Variants in LYZL6 observed in about 807,000 individuals in gnomAD.
LYZL6 encodes lysozyme like 6.
A neutral mutation model predicts 15.0 loss-of-function variants in LYZL6; 21 were observed. The observed-to-expected ratio is 1.40, with a 90% CI of 1.00 to 2.02. The LOEUF (loss-of-function observed/expected upper bound fraction) is 2.02. Among genes scored for constraint, LYZL6 ranks in the 30% most tolerant of loss-of-function variants. The pLI is 0.00. For synonymous variants in LYZL6, 72 were observed against 67.8 expected (o/e 1.06, Z -0.31); for missense variants, 173 against 180.5 (o/e 0.96, Z 0.24).
chr17:35,942,850 C>A (rs192876421), intron 1 of LYZL6, among the ~76,000 whole-genome samples: 60 of 152,260 alleles, frequency 3.9e-4, no homozygotes, highest in Middle Eastern at 3.4e-3. Flanking sequence ...GGTATGCCTA[C>A]AGCTGCAAGA....
intron 3 of LYZL6, among the ~76,000 whole-genome samples, chr17:35,937,536 T>C (rs1163027626): frequency 6.6e-6 from 1 of 152,236 alleles, no homozygotes; most frequent in Non-Finnish European, 1.5e-5. Flanking sequence ...TACTACCAGC[T>C]GTATACGGAG....
intron 1 of LYZL6, among the ~76,000 whole-genome samples, chr17:35,940,786 G>A (rs745396727): frequency 6.6e-6 from 1 of 152,128 alleles, no homozygotes; most frequent in Non-Finnish European, 1.5e-5. Flanking sequence ...TTTGTATCTG[G>A]CTTCTTTCAC....
intron 1 of LYZL6, among the ~76,000 whole-genome samples, chr17:35,940,889 C>A (rs9903272): frequency 1.3e-5 from 2 of 152,216 alleles, no homozygotes; most frequent in African/African-American, 4.8e-5. Context: ...TGTATGAATA[C>A]ACCATACTTC....
Position 35,939,367 on chromosome 17 carries a change from G to T in LYZL6, c.-11C>A. On this transcript the variant is annotated 5_prime_UTR_variant, in exon 2 of 5. Coordinates refer to ENST00000615905, the MANE Select transcript of LYZL6 (RefSeq NM_020426.4). ...TAGCGCCTTTGTCATCCTTGGAGGG[G>T]AGGAGGTGCAGCTGAGGGCTGATGG... 1.2e-6 allele frequency: 2 copies of T among 1,613,878 alleles called. No individual in the cohort carries two copies. Among genetic ancestry groups the T allele is most frequent in the Non-Finnish European group, 1.7e-6 (2 of 1,179,794 alleles).
At chr17:35,940,106 G>T (rs137987242) in intron 1 of LYZL6, among the ~76,000 whole-genome samples, 1 of 152,032 alleles carries the variant, frequency 6.6e-6, no homozygotes, top group Admixed American at 6.6e-5. Context: ...GTGTGTGTGC[G>T]CGTGTGTGTG....
At chr17:35,942,523 C>G (rs929014876) in intron 1 of LYZL6, among the ~76,000 whole-genome samples, 1 of 152,132 alleles carries the variant, frequency 6.6e-6, no homozygotes, top group South Asian at 2.1e-4. Flanking sequence ...CAGAAAGAAA[C>G]TACTTAGGTA....
chr17:35,936,596 A>G (rs964156502), intron 4 of LYZL6, 159 bp downstream of exon 4: 1 of 620,818 alleles, frequency 1.6e-6, no homozygotes, highest in Non-Finnish European at 2.9e-6. Flanking sequence ...ATACAATATC[A>G]TAGAAGAACC....
chr17:35,941,795 G>T (rs2089426466), intron 1 of LYZL6, among the ~76,000 whole-genome samples: 1 of 152,168 alleles, frequency 6.6e-6, no homozygotes, highest in South Asian at 2.1e-4. Flanking sequence ...ATCATAGATT[G>T]GTTTGAGAAC....
rs2089353743 is a variant in LYZL6 at position 35,934,666 on chromosome 17, G to A, written c.*130C>T. 1 of 823,590 alleles carries A rather than the reference G, an allele frequency of 1.2e-6. No homozygotes were observed. The highest frequency in any genetic ancestry group is 2.6e-5 in the East Asian group (1 of 37,870). The allele number at this position is 823,590 out of a possible 1,614,324, so 51.0% of individuals were successfully genotyped here. On this transcript the variant is annotated 3_prime_UTR_variant, in exon 5 of 5. Coordinates refer to ENST00000615905, the MANE Select transcript of LYZL6 (RefSeq NM_020426.4). ...GAAAACCATTTATTCCTGGGGCTCT[G>A]GTCAGTTTTAGTTGTAAATGGGAAG...
chr17:35,938,355 T>G (rs11654215), intron 2 of LYZL6, among the ~76,000 whole-genome samples: 23 of 152,014 alleles, frequency 1.5e-4, no homozygotes, highest in Non-Finnish European at 2.8e-4. Flanking sequence ...CGCGGTGGCT[T>G]ATGCCTGTAA....
chr17:35,939,024 C>A (rs9901969), intron 2 of LYZL6, among the ~76,000 whole-genome samples, 194 bp downstream of exon 2: 1 of 152,158 alleles, frequency 6.6e-6, no homozygotes, highest in Non-Finnish European at 1.5e-5. Context: ...AGCCCCAGTG[C>A]CTAAAACAGT....
intron 3 of LYZL6, 67 bp downstream of exon 3, chr17:35,937,691 A>G (rs2089386504): frequency 1.3e-6 from 2 of 1,530,628 alleles, no homozygotes; most frequent in African/African-American, 2.8e-5. Flanking sequence ...GTGGGTGGGA[A>G]GAGAAGTTCT....
intron 1 of LYZL6, among the ~76,000 whole-genome samples, chr17:35,940,863 T>C (rs1226017911): frequency 1.3e-5 from 2 of 152,268 alleles, no homozygotes; most frequent in Non-Finnish European, 2.9e-5. Context: ...CTTTCTATGG[T>C]TGAATAATAT....
rs1342199001 is a variant in LYZL6 at position 35,934,875 on chromosome 17, A to G, written c.378-10T>C. ...CAACCTCCATTCTACCCTGCGGAGA[A>G]AAAAGACATGGTTCTTGCCTCACAC... On this transcript the variant is annotated splice_polypyrimidine_tract_variant and intron_variant, in intron 4 of 4. Transcript: ENST00000615905. 4 of 1,613,916 alleles carry G rather than the reference A, an allele frequency of 2.5e-6. No individual in the cohort carries two copies. The African/African-American group carries it at 5.3e-5, about 22-fold the overall frequency.
intron 1 of LYZL6, 80 bp from the exon 2 acceptor site, chr17:35,939,638 A>G (rs74482066): frequency 0.015 from 3,678 of 249,786 alleles, 122 homozygotes; most frequent in African/African-American, 0.073. Flanking sequence ...ACCAAGGCCA[A>G]TCTTTCTTTG....
intron 4 of LYZL6, among the ~76,000 whole-genome samples, chr17:35,936,142 A>G (rs966676376): frequency 1.3e-5 from 2 of 152,198 alleles, no homozygotes; most frequent in Non-Finnish European, 2.9e-5. Flanking sequence ...AAATATTGTC[A>G]ATTATGGCCA....
chr17:35,934,923 GACC>G, intron 4 of LYZL6, 58 bp from the exon 5 acceptor site: 1 of 1,546,894 alleles, frequency 6.5e-7, no homozygotes, highest in Non-Finnish European at 8.9e-7. Flanking sequence ...CCACACACAT[GACC>G]CAGTTCTTGG....
At chr17:35,939,664 T>A (rs946351955) in intron 1 of LYZL6, 106 bp from the exon 2 acceptor site, 1 of 180,946 alleles carries the variant, frequency 5.5e-6, no homozygotes, top group African/African-American at 2.4e-5. Flanking sequence ...GTTTGTTTTT[T>A]ATTTTTTTAT....
At chr17:35,936,523 A>G (rs372493725) in intron 4 of LYZL6, among the ~76,000 whole-genome samples, 1 of 152,174 alleles carries the variant, frequency 6.6e-6, no homozygotes, top group South Asian at 2.1e-4. Flanking sequence ...GGCCTCTCAG[A>G]ATAAATTTCC....
Sources: gnomAD v4.1 joint callset for allele counts (sites outside exome capture counted in the v4.1 genomes callset) on GRCh38, gnomAD v4.1.1 for gene constraint, MANE v1.5 for transcripts, NCBI Gene and HGNC (gene_info 2026-07-23, HGNC 2026-07-21) for gene names.